Variants in LRRC74A observed in about 807,000 individuals in gnomAD.
LRRC74A encodes leucine-rich repeat-containing protein 74A.
Under a neutral mutation model 57.9 loss-of-function variants are expected in LRRC74A, and 44 were observed. The observed-to-expected ratio is 0.76, with a 90% CI of 0.60 to 0.98. LRRC74A has a LOEUF of 0.98. Among genes scored for constraint, LRRC74A ranks in the 50% least tolerant of loss-of-function variants. LRRC74A has a pLI of 0.00. For synonymous variants in LRRC74A, 211 were observed against 219.4 expected (o/e 0.96, Z 0.34); for missense variants, 572 against 574.0 (o/e 1.00, Z 0.04).
chr14:76,848,272 A>C (rs1897236524), intron 7 of LRRC74A, among the ~76,000 whole-genome samples: 2 of 151,428 alleles, frequency 1.3e-5, no homozygotes, highest in African/African-American at 4.9e-5. Flanking sequence ...TAAAACTTAA[A>C]GTATGATAAA....
chr14:76,832,694 A>C (rs1896056228), intron 3 of LRRC74A, among the ~76,000 whole-genome samples: 1 of 152,228 alleles, frequency 6.6e-6, no homozygotes, highest in Non-Finnish European at 1.5e-5. Flanking sequence ...GGATTAAATC[A>C]TCAGGAGGTA....
chr14:76,858,050 T>C (rs1898032190), intron 10 of LRRC74A, among the ~76,000 whole-genome samples: 3 of 152,234 alleles, frequency 2.0e-5, no homozygotes, highest in Admixed American at 2.0e-4. Context: ...TACCATTTTA[T>C]ACTCTGTTTT....
intron 9 of LRRC74A, among the ~76,000 whole-genome samples, chr14:76,854,100 C>T (rs374409901): frequency 6.6e-6 from 1 of 152,136 alleles, no homozygotes; most frequent in African/African-American, 2.4e-5. Context: ...CACCCAAGAC[C>T]CCCTGGTCTT....
At chr14:76,828,934 A>G (rs975022781) in intron 2 of LRRC74A, 12 of 862,004 alleles carry the variant, frequency 1.4e-5, no homozygotes, top group Middle Eastern at 5.8e-4. Context: ...TCTGTGGCCT[A>G]TCTTGCATCC....
chr14:76,846,852 A>G (rs1283305143), intron 7 of LRRC74A, among the ~76,000 whole-genome samples: 1 of 152,198 alleles, frequency 6.6e-6, no homozygotes, highest in Non-Finnish European at 1.5e-5. Context: ...TAGAGAAGTC[A>G]GGTAGATGGT....
chr14:76,854,839 C>G (rs1294573639), intron 9 of LRRC74A, among the ~76,000 whole-genome samples: 1 of 152,108 alleles, frequency 6.6e-6, no homozygotes, highest in Non-Finnish European at 1.5e-5. Flanking sequence ...ATTAATCATC[C>G]CCCTTTCTGG....
chr14:76,856,067 A>C (rs1897853933), intron 9 of LRRC74A, among the ~76,000 whole-genome samples: 1 of 152,160 alleles, frequency 6.6e-6, no homozygotes, highest in Non-Finnish European at 1.5e-5. Context: ...TCCTTCTCCA[A>C]GCCTATAAGG....
chr14:76,839,411 C>G (rs773791003), intron 5 of LRRC74A, among the ~76,000 whole-genome samples: 3 of 152,152 alleles, frequency 2.0e-5, no homozygotes, highest in Non-Finnish European at 4.4e-5. Context: ...GGGTTCAAAT[C>G]CCAGCTTTGA....
At chr14:76,848,154 A>G (rs1289802432) in intron 7 of LRRC74A, among the ~76,000 whole-genome samples, 4 of 151,600 alleles carry the variant, frequency 2.6e-5, no homozygotes, top group Non-Finnish European at 5.9e-5. Flanking sequence ...GGGGAGGGAT[A>G]GCATTAGGAG....
chr14:76,839,584 A>G (rs1896609191), intron 5 of LRRC74A, among the ~76,000 whole-genome samples: 1 of 152,176 alleles, frequency 6.6e-6, no homozygotes, highest in Non-Finnish European at 1.5e-5. Context: ...TCTCGCTATT[A>G]TTGTCTTTGT....
rs549242322 is a variant in LRRC74A, at chr14:76,870,260, C to T, written c.*111C>T. 306 of 1,220,308 alleles carry T rather than the reference C, an allele frequency of 2.5e-4. 4 individuals carry two copies. The Admixed American group carries it at 5.5e-3, about 22-fold the overall frequency. The allele number at this position is 1,220,308 out of a possible 1,614,324, so 75.6% of individuals were successfully genotyped here. ...AAATCTCGATGGACAGATGCTGTGGCAGGGGCTGGGCACAAGCAAATAAAG... is the reference window on the plus strand; with the variant it reads ...AAATCTCGATGGACAGATGCTGTGGTAGGGGCTGGGCACAAGCAAATAAAG... On this transcript the variant is annotated 3_prime_UTR_variant, in exon 14 of 14. Coordinates refer to ENST00000689127, the MANE Select transcript of LRRC74A (RefSeq NM_001385106.1).
At chr14:76,846,807 C>T (rs553156785) in intron 7 of LRRC74A, among the ~76,000 whole-genome samples, 8 of 139,048 alleles carry the variant, frequency 5.8e-5, no homozygotes, top group Non-Finnish European at 1.3e-4. Flanking sequence ...TCCATTTTGG[C>T]CACGTGATGT....
At chr14:76,830,134 G>A (rs749032973) in intron 2 of LRRC74A, among the ~76,000 whole-genome samples, 11 of 152,198 alleles carry the variant, frequency 7.2e-5, no homozygotes, top group East Asian at 1.9e-4. Flanking sequence ...CTGTACAAGC[G>A]TCCCAAAGAG....
intron 11 of LRRC74A, among the ~76,000 whole-genome samples, chr14:76,865,494 C>T (rs1191101018): frequency 6.6e-6 from 1 of 152,242 alleles, no homozygotes; most frequent in Non-Finnish European, 1.5e-5. Flanking sequence ...CCTAGGAATT[C>T]GTAGAGCCAA....
chr14:76,847,495 C>T (rs1186593958), intron 7 of LRRC74A, among the ~76,000 whole-genome samples: 1 of 152,018 alleles, frequency 6.6e-6, no homozygotes, highest in East Asian at 1.9e-4. Flanking sequence ...ATTATGAGAA[C>T]ACACGAACAC....
intron 3 of LRRC74A, among the ~76,000 whole-genome samples, chr14:76,835,719 A>G (rs1375437827): frequency 6.6e-6 from 1 of 152,104 alleles, no homozygotes; most frequent in Non-Finnish European, 1.5e-5. Flanking sequence ...CGTCTCAAAA[A>G]ATAATAATAA....
In LRRC74A at chr14:76,860,751, C is replaced by G; in HGVS notation, c.1112C>G (p.Pro371Arg). ...TTGGACGGAGTGTATGCCGTTCACC[C>G]GCAGCTGGACGTGGTATTCAAGGCA... ...KTLDGVYAVHPQLDVVFKAVQ... is the reference protein window; with the variant it reads ...KTLDGVYAVHRQLDVVFKAVQ... Residue 371 changes from proline (P) to arginine (R), a missense_variant, in exon 11 of 14, where the codon CCG (proline) becomes CGG (arginine). Pro to Arg is a moderately radical substitution (Grantham distance 103). Coordinates refer to ENST00000689127, the MANE Select transcript of LRRC74A (RefSeq NM_001385106.1). 6.2e-7 allele frequency: 1 copy of G among 1,611,414 alleles called. No individual in the cohort carries two copies. The highest frequency in any genetic ancestry group is 8.5e-7 in the Non-Finnish European group (1 of 1,177,832).
intron 7 of LRRC74A, among the ~76,000 whole-genome samples, chr14:76,848,282 A>AAAAAT (rs1341750370): frequency 2.0e-5 from 3 of 149,998 alleles, no homozygotes; most frequent in Non-Finnish European, 3.0e-5. Context: ...AGTATGATAA[A>AAAAAT]AAAATAAAAT....
At chr14:76,828,960 A>G in intron 2 of LRRC74A, 1 of 1,262,734 alleles carries the variant, frequency 7.9e-7, no homozygotes, top group Admixed American at 2.4e-5. Context: ...ACTTTCCCAC[A>G]CTCACCTTAG....
Sources: allele counts gnomAD v4.1 joint callset (sites outside exome capture counted in the v4.1 genomes callset), GRCh38; gene constraint gnomAD v4.1.1; transcripts MANE v1.5; gene names NCBI Gene and HGNC (gene_info 2026-07-23, HGNC 2026-07-21).